SI: variants seen among roughly 807,000 people sequenced by gnomAD.
The protein encoded by SI is sucrase-isomaltase, intestinal.
Under a neutral mutation model 253.3 loss-of-function variants are expected in SI, and 235 were observed. That is an observed-to-expected ratio of 0.93 (90% CI 0.83 to 1.03). SI has a LOEUF of 1.03. Among genes scored for constraint, SI ranks in the 50% least tolerant of loss-of-function variants. The probability of loss-of-function intolerance (pLI) is 0.00; values close to 1 mark genes in which losing one functional copy is unlikely to be tolerated. For synonymous variants in SI, 819 were observed against 712.0 expected (o/e 1.15, Z -2.39); for missense variants, 2,442 against 2,211.1 (o/e 1.10, Z -2.09).
At chr3:165,008,208 G>C (rs1418919427) in intron 35 of SI, among the ~76,000 whole-genome samples, 1 of 151,570 alleles carries the variant, frequency 6.6e-6, no homozygotes, top group African/African-American at 2.4e-5. Context: ...AAAATAAAAT[G>C]TTTTGTTTTC....
chr3:165,054,611 T>C (rs913446797), intron 13 of SI, among the ~76,000 whole-genome samples: 1 of 152,268 alleles, frequency 6.6e-6, no homozygotes, highest in African/African-American at 2.4e-5. Context: ...CACCTCAGCC[T>C]CCCAAAGTGC....
At chr3:165,073,872 A>G (rs9290263) in intron 3 of SI, among the ~76,000 whole-genome samples, 87,581 of 151,880 alleles carry the variant, frequency 0.58, 25,710 homozygotes, top group East Asian at 0.81. Flanking sequence ...AAATACTGCC[A>G]TTTTATTTGA....
chr3:165,074,930 G>T (rs1325097279), intron 2 of SI, among the ~76,000 whole-genome samples: 2 of 152,004 alleles, frequency 1.3e-5, no homozygotes, highest in Admixed American at 6.6e-5. Flanking sequence ...AAAAGGACTT[G>T]GTGTAGATTC....
chr3:165,025,203 G>T (rs1454142092), intron 25 of SI, among the ~76,000 whole-genome samples: 1 of 150,926 alleles, frequency 6.6e-6, no homozygotes, highest in Admixed American at 6.7e-5. Context: ...CTTAAACACA[G>T]AAATGAAAGT....
chr3:165,042,387 C>A (rs1712883937), intron 17 of SI, among the ~76,000 whole-genome samples: 1 of 152,014 alleles, frequency 6.6e-6, no homozygotes, highest in African/African-American at 2.4e-5. Flanking sequence ...GGTTTCTTAA[C>A]CAACAGATAC....
intron 44 of SI, among the ~76,000 whole-genome samples, chr3:164,990,969 C>T (rs1419043985): frequency 6.6e-6 from 1 of 151,122 alleles, no homozygotes; most frequent in African/African-American, 2.5e-5. Context: ...TTTTGACTGT[C>T]CAATATAAAA....
In SI at chr3:165,032,573, A is replaced by AT. The variant is rs1435641758; in HGVS notation, c.2684dup (p.Asn895LysfsTer2). ...TGGAATGAGCGTTCATTGGTTGATT[A>AT]TTTTCCGCCACTCTAACTTCTGTAA... On this transcript the variant is annotated frameshift_variant, in exon 24 of 48. Coordinates refer to ENST00000264382, the MANE Select transcript of SI (RefSeq NM_001041.4). LOFTEE classifies it high-confidence loss of function. 5 of 1,609,462 alleles carry AT rather than the reference A, an allele frequency of 3.1e-6. No homozygotes were observed. In the African/African-American group the frequency reaches 4.0e-5, roughly 13 times the overall value.
Position 165,059,312 on chromosome 3 carries a change from A to T in SI, c.1147-13T>A, listed in dbSNP as rs771233611. The stretch of plus-strand genomic sequence containing the variant: ...TGACCTGTGTATCCTGAAAGTTAGA[A>T]GATTGTATTTCAATACATAGTACTG... On this transcript the variant is annotated splice_polypyrimidine_tract_variant and intron_variant, in intron 10 of 47. Coordinates refer to ENST00000264382, the MANE Select transcript of SI (RefSeq NM_001041.4). 1 of 1,611,072 alleles carries T rather than the reference A, an allele frequency of 6.2e-7. No individual in the cohort carries two copies. The highest frequency in any genetic ancestry group is 8.5e-7 in the Non-Finnish European group (1 of 1,177,834).
intron 41 of SI, among the ~76,000 whole-genome samples, chr3:164,992,650 A>G (rs1207234564): frequency 1.3e-5 from 2 of 152,008 alleles, no homozygotes; most frequent in Non-Finnish European, 2.9e-5. Context: ...GACATGTAAC[A>G]TCAACTAAAT....
intron 45 of SI, among the ~76,000 whole-genome samples, chr3:164,986,514 C>A (rs914492514): frequency 3.3e-5 from 5 of 152,142 alleles, no homozygotes; most frequent in African/African-American, 1.2e-4. Context: ...TTTCCATTAG[C>A]TTATACACTT....
chr3:165,083,179 T>G (rs1715397367), upstream of SI, among the ~76,000 whole-genome samples: 1 of 152,004 alleles, frequency 6.6e-6, no homozygotes, highest in South Asian at 2.1e-4. Flanking sequence ...TTTTCTTTCT[T>G]TTAGTGATAG....
At chr3:165,001,037 T>A (rs1718234980) in intron 37 of SI, among the ~76,000 whole-genome samples, 1 of 151,326 alleles carries the variant, frequency 6.6e-6, no homozygotes, top group Non-Finnish European at 1.5e-5. Context: ...GTGAAGAGAA[T>A]ATTAAATTTA....
intron 44 of SI, among the ~76,000 whole-genome samples, chr3:164,990,902 A>G (rs755622877): frequency 9.9e-5 from 15 of 152,126 alleles, no homozygotes; most frequent in South Asian, 4.1e-4. Context: ...GTATAGTAAA[A>G]AAAAAAATGA....
chr3:165,046,186 G>A (rs1237721839), intron 16 of SI, among the ~76,000 whole-genome samples: 2 of 151,828 alleles, frequency 1.3e-5, no homozygotes, highest in Non-Finnish European at 1.5e-5. Flanking sequence ...TTTATTGATC[G>A]GGTTTTTGGT....
chr3:165,027,991 C>G (rs957893823), intron 25 of SI, among the ~76,000 whole-genome samples: 4 of 151,338 alleles, frequency 2.6e-5, no homozygotes, highest in African/African-American at 9.7e-5. Flanking sequence ...AAGGGGAAGT[C>G]AAACTGTCGC....
the SI span, among the ~76,000 whole-genome samples, chr3:165,089,078 T>G: frequency 2.8e-5 from 2 of 71,726 alleles, no homozygotes; most frequent in African/African-American, 9.0e-5. Flanking sequence ...CTTTTCTTTT[T>G]TCTTTTTTCT....
At chr3:165,009,172 G>A in intron 35 of SI, 107 bp downstream of exon 35, 1 of 795,836 alleles carries the variant, frequency 1.3e-6, no homozygotes, top group Non-Finnish European at 2.1e-6. Flanking sequence ...AAGTGGACTA[G>A]TTTTCAAATA....
intron 36 of SI, among the ~76,000 whole-genome samples, chr3:165,007,378 C>T (rs1005617239): frequency 4.6e-5 from 7 of 151,976 alleles, no homozygotes; most frequent in Admixed American, 3.3e-4. Flanking sequence ...TAGTTTGTGA[C>T]GTTTTCTGCC....
chr3:165,006,738 G>T (rs1231349379), intron 37 of SI, 78 bp downstream of exon 37: 7 of 1,243,664 alleles, frequency 5.6e-6, no homozygotes, highest in Non-Finnish European at 7.1e-6. Flanking sequence ...AGATTGTCGG[G>T]ACTGTTAAAA....
Sources: allele counts gnomAD v4.1 joint callset (sites outside exome capture counted in the v4.1 genomes callset), GRCh38; gene constraint gnomAD v4.1.1; transcripts MANE v1.5; gene names NCBI Gene and HGNC (gene_info 2026-07-23, HGNC 2026-07-21).